Variants in ADAM20 observed in about 807,000 individuals in gnomAD.
The protein encoded by ADAM20 is ADAM metallopeptidase domain 20.
For missense variants in ADAM20, 871 were observed against 883.2 expected (o/e 0.99, Z 0.18); for synonymous variants, 305 against 310.2 (o/e 0.98, Z 0.18).
At chr14:70,553,309 T>TAAAAAAAAAAAA in the ADAM20 span, among the ~76,000 whole-genome samples, 2 of 17,256 alleles carry the variant, frequency 1.2e-4, no homozygotes, top group Admixed American at 1.3e-3. Context: ...TAGAGTATAA[T>TAAAAAAAAAAAA]AAAAAAAAAA....
chr14:70,567,322 G>A, the ADAM20 span, among the ~76,000 whole-genome samples: 3 of 152,120 alleles, frequency 2.0e-5, no homozygotes, highest in African/African-American at 7.2e-5. Context: ...AGACTGATGG[G>A]CCCCCAGGAA....
chr14:70,530,999 C>A (rs1002745106), intron 1 of ADAM20, among the ~76,000 whole-genome samples: 1 of 151,498 alleles, frequency 6.6e-6, no homozygotes, highest in African/African-American at 2.4e-5. Context: ...AACATTGGAG[C>A]AGTAATAAAC....
the ADAM20 span, among the ~76,000 whole-genome samples, chr14:70,575,522 C>G: frequency 6.6e-6 from 1 of 152,250 alleles, no homozygotes. Flanking sequence ...ACAAAAAAAT[C>G]TAGAGGCAAC....
chr14:70,561,800 C>T, the ADAM20 span, among the ~76,000 whole-genome samples: 1 of 152,242 alleles, frequency 6.6e-6, no homozygotes, highest in African/African-American at 2.4e-5. Context: ...CTGCAGGATG[C>T]AGAAGGCAAG....
At chr14:70,534,049 C>T (rs1430804974) in intron 1 of ADAM20, among the ~76,000 whole-genome samples, 1 of 131,032 alleles carries the variant, frequency 7.6e-6, no homozygotes, top group Non-Finnish European at 1.6e-5. Flanking sequence ...GGCCACCGTA[C>T]TCTAGTCTGG....
the ADAM20 span, among the ~76,000 whole-genome samples, chr14:70,564,320 C>T: frequency 6.6e-6 from 1 of 152,198 alleles, no homozygotes; most frequent in Admixed American, 6.5e-5. Flanking sequence ...TGATTTCTAT[C>T]TTGTCTCATA....
intron 1 of ADAM20, among the ~76,000 whole-genome samples, chr14:70,527,183 C>G (rs772251045): frequency 6.6e-6 from 1 of 152,164 alleles, no homozygotes; most frequent in African/African-American, 2.4e-5. Flanking sequence ...GGGGAAAACT[C>G]TGTCCCTCTT....
intron 1 of ADAM20, among the ~76,000 whole-genome samples, chr14:70,528,632 A>G (rs11627570): frequency 0.051 from 7,775 of 152,252 alleles, 258 homozygotes; most frequent in Middle Eastern, 0.099. Context: ...GCCAGATTTG[A>G]CTGACAATGA....
chr14:70,575,614 G>C, the ADAM20 span, among the ~76,000 whole-genome samples: 2 of 152,086 alleles, frequency 1.3e-5, no homozygotes, highest in South Asian at 2.1e-4. Context: ...ATATAAAGTT[G>C]TAAAATTTTG....
upstream of ADAM20, among the ~76,000 whole-genome samples, chr14:70,537,039 TTC>T (rs1391921849): frequency 6.6e-6 from 1 of 152,194 alleles, no homozygotes; most frequent in Non-Finnish European, 1.5e-5. Context: ...CATGTTTCTT[TTC>T]TCTTTCTTTA....
chr14:70,533,589 AATGCTTGTTGAGGG>A (rs1883761987), intron 1 of ADAM20, among the ~76,000 whole-genome samples: 1 of 151,958 alleles, frequency 6.6e-6, no homozygotes, highest in African/African-American at 2.4e-5. Context: ...ATCACACACC[AATGCTTGTTGAGGG>A]ATGGGGGGCA....
chr14:70,537,748 C>T (rs1883866469), upstream of ADAM20, among the ~76,000 whole-genome samples: 1 of 152,180 alleles, frequency 6.6e-6, no homozygotes, highest in Non-Finnish European at 1.5e-5. Flanking sequence ...CCTCGCCAAA[C>T]TTGACATATG....
the ADAM20 span, among the ~76,000 whole-genome samples, chr14:70,571,215 G>A: frequency 4.6e-5 from 7 of 152,268 alleles, no homozygotes; most frequent in East Asian, 1.9e-4. Flanking sequence ...CCACTGATAT[G>A]CTTTGGCTGT....
In ADAM20 at chr14:70,524,951, G is replaced by C. The variant is rs764555626; in HGVS notation, c.-176-18C>G. The C allele has an allele frequency of 6.5e-7, 1 of 1,537,494 alleles. No homozygotes were observed. The highest frequency in any genetic ancestry group is 2.1e-5 in the Admixed American group (1 of 48,212). On this transcript the variant is annotated intron_variant, in intron 1 of 1. Transcript: ENST00000256389. ...AATAAAAACTGAAAGAGCCAGGATG[G>C]GGTGGGTGGGATAGAAAGGGAGAAA... is the stretch of plus-strand genomic sequence containing the variant.
the ADAM20 span, among the ~76,000 whole-genome samples, chr14:70,575,497 C>A: frequency 6.6e-6 from 1 of 152,094 alleles, no homozygotes; most frequent in Non-Finnish European, 1.5e-5. Flanking sequence ...CACACCCATA[C>A]CCACAAAAGA....
chr14:70,567,288 C>T, the ADAM20 span, among the ~76,000 whole-genome samples: 67 of 152,318 alleles, frequency 4.4e-4, no homozygotes, highest in African/African-American at 1.6e-3. Flanking sequence ...ACTTACAACC[C>T]ACTCTGGCTT....
chr14:70,524,462 AGCAGG>A lies in ADAM20; in HGVS notation c.291_295del (p.Leu98ProfsTer9), dbSNP rs1324875145. On this transcript the variant is annotated frameshift_variant, in exon 2 of 2. Transcript: ENST00000256389. LOFTEE classifies it low-confidence loss of function (END_TRUNC). ...ATCCTGGATGAAGGGCTGATCCTGGAGCAGGGCATGCTGCTCTGTGTAGGTGAACA... is the reference window on the plus strand; with the variant it reads ...ATCCTGGATGAAGGGCTGATCCTGGAGCATGCTGCTCTGTGTAGGTGAACA... 2 of 1,614,036 alleles carry A rather than the reference AGCAGG, an allele frequency of 1.2e-6. No individual in the cohort carries two copies. The highest frequency in any genetic ancestry group is 1.7e-6 in the Non-Finnish European group (2 of 1,179,936).
At chr14:70,536,264 G>A (rs545017569), upstream of ADAM20, among the ~76,000 whole-genome samples, 2 of 151,894 alleles carry the variant, frequency 1.3e-5, no homozygotes, top group African/African-American at 4.8e-5. Context: ...TCAGGAGTTC[G>A]AGACCAGCCT....
intron 1 of ADAM20, among the ~76,000 whole-genome samples, chr14:70,529,879 T>G (rs1883673086): frequency 6.6e-6 from 1 of 152,220 alleles, no homozygotes; most frequent in Non-Finnish European, 1.5e-5. Flanking sequence ...AAATTAAACT[T>G]AGCTTACTAT....
Sources: allele counts gnomAD v4.1 joint callset (sites outside exome capture counted in the v4.1 genomes callset), GRCh38; gene constraint gnomAD v4.1.1; transcripts MANE v1.5; gene names NCBI Gene and HGNC (gene_info 2026-07-23, HGNC 2026-07-21).